MYO7A: variants seen among roughly 807,000 people sequenced by gnomAD.
MYO7A encodes unconventional myosin-VIIa.
In MYO7A, 210 loss-of-function variants were observed where a neutral mutation model predicts 263.8. That is an observed-to-expected ratio of 0.80 (90% CI 0.71 to 0.89). The LOEUF is 0.89. Among genes scored for constraint, MYO7A ranks in the 40% least tolerant of loss-of-function variants. MYO7A has a pLI of 0.00. For synonymous variants in MYO7A, 1,239 were observed against 1,197.3 expected (o/e 1.03, Z -0.72); for missense variants, 2,820 against 2,968.3 (o/e 0.95, Z 1.16).
rs1953127687 is a variant in MYO7A, at chr11:77,162,839, C to T, written c.1555-14C>T. ...AGGAGAGGGTGGGCTCACAGCTGCC[C>T]CTCCACTCCCCAGGGCACAGACACC... On this transcript the variant is annotated splice_polypyrimidine_tract_variant and intron_variant, in intron 13 of 48. Transcript: ENST00000409709. 6.2e-7 allele frequency: 1 copy of T among 1,608,650 alleles called. No individual in the cohort carries two copies. Among genetic ancestry groups the T allele is most frequent in the Non-Finnish European group, 8.5e-7 (1 of 1,176,310 alleles).
chr11:77,199,553 C>A lies in MYO7A; in HGVS notation c.4587C>A (p.Leu1529=). Residue 1529 remains leucine, a synonymous_variant, in exon 35 of 49, where the codon CTC becomes CTA. Coordinates refer to ENST00000409709, the MANE Select transcript of MYO7A (RefSeq NM_000260.4). ...VSSSRECRVW[L]SLGCSDLGCA... ...CCTTCAGGGAGTGCCGTGTCTGGCT[C>A]TCACTGGGCTGCTCTGATCTTGGCT... 1 of 1,511,378 alleles carries A rather than the reference C, an allele frequency of 6.6e-7. No individual in the cohort carries two copies. The highest frequency in any genetic ancestry group is 1.3e-5 in the South Asian group (1 of 78,276). 93.6% of individuals were successfully genotyped at this position (1,511,378 alleles called of 1,614,324 possible). A position where few individuals can be genotyped will look rare whatever the true frequency, so the allele number is the denominator to read the frequency against.
intron 32 of MYO7A, among the ~76,000 whole-genome samples, chr11:77,195,618 C>A (rs1030056484): frequency 1.5e-4 from 23 of 152,338 alleles, no homozygotes; most frequent in African/African-American, 5.5e-4. Flanking sequence ...GGAGACACAG[C>A]CCTTTGTGGG....
chr11:77,142,577 G>T, intron 2 of MYO7A, 132 bp from the exon 3 acceptor site: 1 of 778,510 alleles, frequency 1.3e-6, no homozygotes, highest in Non-Finnish European at 2.2e-6. Flanking sequence ...TAGTAAGTGT[G>T]AGTCCCCTTC....
chr11:77,148,031 C>T, intron 4 of MYO7A, 81 bp downstream of exon 4: 1 of 1,272,694 alleles, frequency 7.9e-7, no homozygotes, highest in Non-Finnish European at 1.0e-6. Flanking sequence ...GCCCGACTTG[C>T]CTCCGGCCCC....
intron 27 of MYO7A, among the ~76,000 whole-genome samples, chr11:77,186,798 A>G (rs549292260): frequency 2.6e-5 from 4 of 152,288 alleles, no homozygotes; most frequent in Non-Finnish European, 5.9e-5. Flanking sequence ...GTCCTTCAGG[A>G]ACTATTCCTT....
intron 9 of MYO7A, 53 bp from the exon 10 acceptor site, chr11:77,159,394 G>GCCCCTGTTTGGGCCCCCCCCCCCACCCA: frequency 7.1e-7 from 1 of 1,404,290 alleles, no homozygotes; most frequent in Non-Finnish European, 1.0e-6. Context: ...CTGTCCCCTT[G>GCCCCTGTTTGGGCCCCCCCCCCCACCCA]CCCCTGTTGC....
intron 45 of MYO7A, 129 bp from the exon 46 acceptor site, chr11:77,211,692 C>T (rs2135789287): frequency 1.4e-6 from 1 of 697,346 alleles, no homozygotes; most frequent in East Asian, 2.7e-5. Context: ...CTAGTCCTGG[C>T]CCTGAGGGTG....
At position 77,196,774 on chromosome 11, in the gene MYO7A, T is replaced by A. The variant is rs7933106; in HGVS notation, c.4324-707T>A. 2.6e-5 allele frequency among the ~76,000 whole-genome samples: 4 copies of A among 151,964 alleles called. No homozygotes were observed. The East Asian group carries it at 7.7e-4, about 29-fold the overall frequency. On this transcript the variant is annotated intron_variant, in intron 32 of 48. Coordinates refer to ENST00000409709, the MANE Select transcript of MYO7A (RefSeq NM_000260.4). ...GGCCGTCTGTGAGCTGGCATACACA[T>A]CCACCCTTACCTATGCCTGTGTCTA...
At chr11:77,184,378 G>A (rs1206008673) in intron 26 of MYO7A, among the ~76,000 whole-genome samples, 8 of 152,166 alleles carry the variant, frequency 5.3e-5, no homozygotes, top group South Asian at 2.1e-4. Context: ...GGGTGGCACC[G>A]GGCCAGTGTG....
At chr11:77,140,760 A>G (rs1209140395) in intron 2 of MYO7A, among the ~76,000 whole-genome samples, 1 of 152,178 alleles carries the variant, frequency 6.6e-6, no homozygotes, top group Non-Finnish European at 1.5e-5. Context: ...CAGCCTGTGG[A>G]GCCCAGGCCC....
rs200872817 is a variant in MYO7A at position 77,142,760 on chromosome 11, A to G, written c.70A>G (p.Ile24Val). Residue 24 changes from isoleucine (I) to valine (V), a missense_variant, in exon 3 of 49, where the codon ATC becomes GTC. Physicochemically the swap from Ile to Val is conservative, Grantham distance 29. Coordinates refer to ENST00000409709, the MANE Select transcript of MYO7A (RefSeq NM_000260.4). ...ATTGGGGCAGGAGTTCGACGTGCCC[A>G]TCGGGGCGGTGGTGAAGCTCTGCGA... ...LRLGQEFDVP[I>V]GAVVKLCDSG... 1.9e-6 allele frequency: 3 copies of G among 1,612,218 alleles called. No individual in the cohort carries two copies. Among genetic ancestry groups the G allele is most frequent in the Admixed American group, 1.7e-5 (1 of 59,808 alleles).
Position 77,162,237 on chromosome 11 carries a change from C to G in MYO7A, c.1461C>G (p.Ile487Met), listed in dbSNP as rs782195221. ...YDLESIDWLH[I>M]EFTDNQDALD... is the part of the protein sequence containing the mutation. ...TGGAGAGCATTGACTGGCTGCACATCGAGTTCACTGACAACCAGGATGCCC... is the reference window on the plus strand; with the variant it reads ...TGGAGAGCATTGACTGGCTGCACATGGAGTTCACTGACAACCAGGATGCCC... Residue 487 changes from isoleucine to methionine, a missense_variant, in exon 13 of 49, where the codon ATC becomes ATG. By Grantham distance (10) the Ile-to-Met change is conservative. Coordinates refer to ENST00000409709, the MANE Select transcript of MYO7A (RefSeq NM_000260.4). 4 of 1,569,336 alleles carry G rather than the reference C, an allele frequency of 2.5e-6. No individual in the cohort carries two copies. Among genetic ancestry groups the G allele is most frequent in the African/African-American group, 2.7e-5 (2 of 73,952 alleles).
chr11:77,213,525 C>T (rs1042476012), intron 47 of MYO7A, among the ~76,000 whole-genome samples: 5 of 152,098 alleles, frequency 3.3e-5, no homozygotes, highest in African/African-American at 7.3e-5. Context: ...TCCTGTACAC[C>T]GTGTTTCCCA....
rs1368924507 is a variant in MYO7A at position 77,138,982 on chromosome 11, G to C, written c.19-3727G>C. On this transcript the variant is annotated intron_variant, in intron 2 of 48. Coordinates refer to ENST00000409709, the MANE Select transcript of MYO7A (RefSeq NM_000260.4). This position sits in a 1 kb window ranked among gnomAD's most constrained non-coding sequence, Gnocchi z 4.9. Reference sequence around the variant, plus strand: ...GGCCCCAGGCCTGGTCCCAGAGGAAGGAAGAGGCAGAAAGGGCTAAGGCCC... The same window carrying C: ...GGCCCCAGGCCTGGTCCCAGAGGAACGAAGAGGCAGAAAGGGCTAAGGCCC... Among the ~76,000 whole-genome samples the C allele has an allele frequency of 6.6e-6, 1 of 152,262 alleles. No individual in the cohort carries two copies. Among genetic ancestry groups the C allele is most frequent in the East Asian group, 1.9e-4 (1 of 5,192 alleles).
Position 77,169,990 on chromosome 11 carries a change from G to A in MYO7A, c.1798-2758G>A, listed in dbSNP as rs549473367. 3.0e-4 allele frequency among the ~76,000 whole-genome samples: 45 copies of A among 152,328 alleles called. 2 individuals carry two copies. The South Asian group carries it at 3.5e-3, about 12-fold the overall frequency. ...ATTCAGGAGGCTGAGACAGGAGGCC[G>A]AGTCTGGGAGGTCGAGGCTGCAATG... On this transcript the variant is annotated intron_variant, in intron 15 of 48. Transcript: ENST00000409709.
At chr11:77,130,050 G>A (rs1040533544) in intron 1 of MYO7A, among the ~76,000 whole-genome samples, 4 of 149,746 alleles carry the variant, frequency 2.7e-5, no homozygotes, top group Admixed American at 6.7e-5. Context: ...CTGCCTCCCC[G>A]TCAGCAGCCA....
intron 37 of MYO7A, among the ~76,000 whole-genome samples, chr11:77,202,662 A>T (rs1427029780): frequency 2.6e-5 from 4 of 151,316 alleles, no homozygotes; most frequent in African/African-American, 7.3e-5. Context: ...TTCGAGACTG[A>T]GTCCTGGTGG....
intron 38 of MYO7A, 26 bp downstream of exon 38, chr11:77,203,243 A>G: frequency 6.5e-7 from 1 of 1,544,332 alleles, no homozygotes; most frequent in Non-Finnish European, 8.7e-7. Flanking sequence ...GGCTGTGCCC[A>G]GGGGAGCCAG....
chr11:77,137,577 C>T (rs938619878), intron 2 of MYO7A, among the ~76,000 whole-genome samples: 2 of 152,158 alleles, frequency 1.3e-5, no homozygotes, highest in Non-Finnish European at 2.9e-5. Flanking sequence ...CGGGATGGGA[C>T]GGTGGCCTCT....
Sources: gnomAD v4.1 joint callset for allele counts (sites outside exome capture counted in the v4.1 genomes callset) on GRCh38, gnomAD v4.1.1 for gene constraint, Gnocchi (gnomAD v3.1) non-coding constraint, MANE v1.5 for transcripts, NCBI Gene and HGNC (gene_info 2026-07-23, HGNC 2026-07-21) for gene names.